The following KLHL22 variants were observed in gnomAD, a reference collection of about 807,000 sequenced individuals.
The protein encoded by KLHL22 is kelch-like protein 22.
KLHL22 carries 18 observed loss-of-function variants against 60.7 expected under a neutral mutation model. The observed-to-expected ratio is 0.30, with a 90% CI of 0.20 to 0.44. KLHL22 has a LOEUF of 0.44. Among genes scored for constraint, KLHL22 ranks in the 20% least tolerant of loss-of-function variants. The pLI is 1.00. For synonymous variants in KLHL22, 355 were observed against 354.5 expected (o/e 1.00, Z -0.01); for missense variants, 596 against 852.3 (o/e 0.70, Z 3.74).
At position 20,470,827 on chromosome 22, in the gene KLHL22, GATGCATGCATGC is replaced by G. The variant is rs1205079575; in HGVS notation, c.393+511_393+522del. ...GGATGGATGGATGGATGGATGGATG[GATGCATGCATGC>G]ATGGATGGATGGATGGATGCGTGCA... On this transcript the variant is annotated intron_variant, in intron 3 of 6. Coordinates refer to ENST00000328879, the MANE Select transcript of KLHL22 (RefSeq NM_032775.4). 1.8e-3 allele frequency among the ~76,000 whole-genome samples: 253 copies of G among 142,650 alleles called. 2 individuals are homozygous for G. Among genetic ancestry groups the G allele is most frequent in the Non-Finnish European group, 3.2e-3 (213 of 67,462 alleles). 93.6% of individuals were successfully genotyped at this position (142,650 alleles called of 152,430 possible).
intron 4 of KLHL22, among the ~76,000 whole-genome samples, chr22:20,464,585 G>A (rs1046987543): frequency 2.6e-5 from 4 of 152,202 alleles, no homozygotes; most frequent in South Asian, 2.1e-4. Flanking sequence ...CAATGCACTC[G>A]CAACCTAGCC....
chr22:20,460,390 C>T (rs995926946), intron 4 of KLHL22, among the ~76,000 whole-genome samples: 2 of 151,828 alleles, frequency 1.3e-5, no homozygotes, highest in Admixed American at 1.3e-4. Flanking sequence ...GGGTGGATCA[C>T]GAGGTCAGGA....
At chr22:20,489,435 C>T (rs1433423143) in intron 1 of KLHL22, among the ~76,000 whole-genome samples, 191 bp from the exon 2 acceptor site, 2 of 152,164 alleles carry the variant, frequency 1.3e-5, no homozygotes, top group Non-Finnish European at 2.9e-5. Context: ...GGCCTTCTTC[C>T]TGATGACCTG....
chr22:20,444,789 T>C lies in KLHL22; in HGVS notation c.1539+1654A>G, dbSNP rs183382870. 1.5e-4 allele frequency among the ~76,000 whole-genome samples: 23 copies of C among 151,996 alleles called. No homozygotes were observed. In the East Asian group the frequency reaches 2.9e-3, roughly 19 times the overall value. On this transcript the variant is annotated intron_variant, in intron 6 of 6. Transcript: ENST00000328879. ...ATATGGGATGCTCTTTTTTGTTTGT[T>C]TGTTTGTTTGTTTGAGACAAGGTCT...
chr22:20,491,365 GA>G (rs1181315022), intron 1 of KLHL22: 2 of 152,218 alleles, frequency 1.3e-5, no homozygotes, highest in Non-Finnish European at 2.9e-5. Context: ...CGGAGGTTGA[GA>G]GGTGAGGCTG....
At chr22:20,449,040 TTTTTG>T (rs146343607) in intron 5 of KLHL22, among the ~76,000 whole-genome samples, 29,707 of 151,512 alleles carry the variant, frequency 0.2, 3,734 homozygotes, top group Non-Finnish European at 0.28. Flanking sequence ...TGCCTTCTGT[TTTTTG>T]TTTTGTTTTG....
intron 6 of KLHL22, among the ~76,000 whole-genome samples, chr22:20,445,114 G>A (rs1034088872): frequency 1.3e-5 from 2 of 151,970 alleles, no homozygotes; most frequent in Non-Finnish European, 2.9e-5. Context: ...ACTACAATCA[G>A]GCAGAAAACA....
At chr22:20,480,394 G>A (rs777511650) in intron 2 of KLHL22, among the ~76,000 whole-genome samples, 1 of 152,172 alleles carries the variant, frequency 6.6e-6, no homozygotes, top group Non-Finnish European at 1.5e-5. Flanking sequence ...GCAGGGGAAT[G>A]ACCAAATAAA....
chr22:20,457,716 G>C lies in KLHL22; in HGVS notation c.1305+92C>G. On this transcript the variant is annotated intron_variant, in intron 5 of 6. Coordinates refer to ENST00000328879, the MANE Select transcript of KLHL22 (RefSeq NM_032775.4). ...TCACTGAGCCTGTTTCTCTGACCTG[G>C]GACAGGCCTTGACACCTAGGCCTCT... The C allele has an allele frequency of 3.1e-6, 3 of 961,228 alleles. No homozygotes were observed. The South Asian group carries it at 4.8e-5, about 15-fold the overall frequency. The allele number at this position is 961,228 out of a possible 1,614,324, so 59.5% of individuals were successfully genotyped here.
chr22:20,453,267 T>C (rs1290156778), intron 5 of KLHL22, among the ~76,000 whole-genome samples: 2 of 152,200 alleles, frequency 1.3e-5, no homozygotes, highest in East Asian at 1.9e-4. Flanking sequence ...CTTCTTTTTT[T>C]CTAGAAGTTT....
At chr22:20,489,823 G>C (rs1243171053) in intron 1 of KLHL22, 1 of 470,776 alleles carries the variant, frequency 2.1e-6, no homozygotes, top group Admixed American at 2.4e-5. Context: ...GTGCCAAGGG[G>C]GTGGCATTTC....
intron 4 of KLHL22, among the ~76,000 whole-genome samples, chr22:20,461,096 G>A (rs1274665831): frequency 1.3e-5 from 2 of 152,228 alleles, no homozygotes; most frequent in Non-Finnish European, 2.9e-5. Context: ...TCCAGACAGT[G>A]AGAAATAGAG....
Position 20,465,005 on chromosome 22 carries a change from T to C in KLHL22, c.965A>G (p.Asn322Ser). 6.2e-7 allele frequency: 1 copy of C among 1,611,570 alleles called. No individual in the cohort carries two copies. The highest frequency in any genetic ancestry group is 8.5e-7 in the Non-Finnish European group (1 of 1,178,770). Reference protein sequence around the residue: ...TVLSDQAKYLNPLLGEWKHFT... With the variant: ...TVLSDQAKYLSPLLGEWKHFT... Reference sequence around the variant, plus strand: ...GTGCTTCCACTCTCCCAGTAAGGGGTTTAGATACTTGGCCTGGTCGCTGAG... The same window carrying C: ...GTGCTTCCACTCTCCCAGTAAGGGGCTTAGATACTTGGCCTGGTCGCTGAG... The change falls in exon 4 of 7, where the codon AAC (asparagine) becomes AGC (serine). Residue 322 changes from asparagine to serine, a missense_variant. By Grantham distance (46) the Asn-to-Ser change is conservative. Transcript: ENST00000328879. The surrounding 1 kb of genome is among the most constrained non-coding windows in gnomAD (Gnocchi z 4.9).
chr22:20,473,226 T>C (rs1346527341), intron 2 of KLHL22, among the ~76,000 whole-genome samples: 1 of 152,084 alleles, frequency 6.6e-6, no homozygotes, highest in East Asian at 1.9e-4. Context: ...GGGGAGGGCA[T>C]TGCAGCTAGA....
At chr22:20,482,579 C>CA (rs1555913937) in intron 2 of KLHL22, among the ~76,000 whole-genome samples, 1 of 145,888 alleles carries the variant, frequency 6.9e-6, no homozygotes, top group Non-Finnish European at 1.5e-5. Flanking sequence ...GTTTGTTTTT[C>CA]TTTTTTTTTT....
In KLHL22 at chr22:20,457,805, T is replaced by C; in HGVS notation, c.1305+3A>G. The C allele has an allele frequency of 6.3e-7, 1 of 1,589,654 alleles. No homozygotes were observed. The highest frequency in any genetic ancestry group is 1.7e-4 in the Middle Eastern group (1 of 6,030). On this transcript the variant is annotated splice_donor_region_variant and intron_variant, in intron 5 of 6. Transcript: ENST00000328879. ...GAAGGCCCCTCTTCGAGGGCTTCCT[T>C]ACCTCCCTCTTGAGTGGGGCCACGT... is the stretch of plus-strand genomic sequence containing the variant.
chr22:20,470,847 GATGGATGGATGCGTGCATGC>G (rs1175407760), intron 3 of KLHL22, among the ~76,000 whole-genome samples: 1 of 140,962 alleles, frequency 7.1e-6, no homozygotes, highest in Non-Finnish European at 1.5e-5. Context: ...TGCATGGATG[GATGGATGGATGCGTGCATGC>G]ATGGATGGAT....
chr22:20,487,490 G>A (rs1018638137), intron 2 of KLHL22, among the ~76,000 whole-genome samples: 2 of 151,872 alleles, frequency 1.3e-5, no homozygotes, highest in Non-Finnish European at 2.9e-5. Flanking sequence ...CCAAAGTGCT[G>A]GGATTACAGG....
At chr22:20,443,619 A>G (rs1231540414) in intron 6 of KLHL22, among the ~76,000 whole-genome samples, 1 of 152,082 alleles carries the variant, frequency 6.6e-6, no homozygotes, top group Non-Finnish European at 1.5e-5. Flanking sequence ...CATGCCTGTA[A>G]CCCCAGCTAC....
Sources: gnomAD v4.1 joint callset for allele counts (sites outside exome capture counted in the v4.1 genomes callset) on GRCh38, gnomAD v4.1.1 for gene constraint, Gnocchi (gnomAD v3.1) non-coding constraint, MANE v1.5 for transcripts, NCBI Gene and HGNC (gene_info 2026-07-23, HGNC 2026-07-21) for gene names.